ATP7B: variants seen among roughly 807,000 people sequenced by gnomAD.
ATP7B encodes copper-transporting ATPase 2.
In ATP7B, 113 loss-of-function variants were observed where a neutral mutation model predicts 118.9. The ratio of observed to expected loss-of-function variants is 0.95; its 90% CI spans 0.82 to 1.11. The LOEUF (loss-of-function observed/expected upper bound fraction) is 1.11, where lower values mean the gene tolerates loss of function less well. ATP7B is among the 50% of genes most tolerant of loss of function. The pLI is 0.00. For synonymous variants in ATP7B, 777 were observed against 727.4 expected, an observed-to-expected ratio of 1.07 and a Z score of -1.10; for missense variants, 1,867 against 1,871.4, an observed-to-expected ratio of 1.00 and a Z score of 0.04.
intron 4 of ATP7B, 61 bp from the exon 5 acceptor site, chr13:51,965,094 A>G (rs1292830392): frequency 6.2e-7 from 1 of 1,604,722 alleles, no homozygotes; most frequent in Non-Finnish European, 8.5e-7. Flanking sequence ...TGTGAAAGCC[A>G]GTCCAGGGAG....
chr13:51,974,171 G>A lies in ATP7B; in HGVS notation c.1049C>T (p.Pro350Leu), dbSNP rs201855906. Residue 350 changes from proline (P) to leucine (L), a missense_variant, in exon 2 of 21, where the codon CCG (proline) becomes CTG (leucine). Physicochemically the swap from Pro to Leu is moderately conservative, Grantham distance 98. Transcript: ENST00000242839. The stretch of plus-strand genomic sequence containing the variant: ...GCATGTGCCCTGGACCTGGTTTCTC[G>A]GTGGGGAGCCAGGGGAATGAGAACT... ...SSSSHSPGSPPRNQVQGTCST... is the reference protein window; with the variant it reads ...SSSSHSPGSPLRNQVQGTCST... The A allele has an allele frequency of 2.4e-5, 39 of 1,614,034 alleles. No individual in the cohort carries two copies. Among genetic ancestry groups the A allele is most frequent in the Middle Eastern group, 1.6e-4 (1 of 6,062 alleles).
chr13:51,968,004 C>T (rs1218845932), intron 4 of ATP7B, among the ~76,000 whole-genome samples: 1 of 152,188 alleles, frequency 6.6e-6, no homozygotes, highest in Non-Finnish European at 1.5e-5. Context: ...GCACCTATCA[C>T]AAGCCCTTTT....
chr13:51,971,439 T>TA (rs1050684773), intron 2 of ATP7B, among the ~76,000 whole-genome samples: 2 of 152,184 alleles, frequency 1.3e-5, no homozygotes, highest in African/African-American at 4.8e-5. Flanking sequence ...CCTGCCCAAT[T>TA]AAAAAAATCA....
chr13:52,001,223 G>A (rs1382416932), intron 1 of ATP7B, among the ~76,000 whole-genome samples: 3 of 152,074 alleles, frequency 2.0e-5, no homozygotes, highest in Admixed American at 6.5e-5. Flanking sequence ...TCTCCTAAGC[G>A]ACCTCCTGGC....
rs1950882487 is a variant in ATP7B at position 51,939,037 on chromosome 13, T to C, written c.3699+14A>G. ...TATGAGCTTTACACAGTTTGCAACA[T>C]TAAAGGGCTGTACCTGGGTGGCAAT... On this transcript the variant is annotated intron_variant, in intron 17 of 20. Transcript: ENST00000242839. The C allele has an allele frequency of 6.2e-7, 1 of 1,614,092 alleles. No individual in the cohort carries two copies. The highest frequency in any genetic ancestry group is 8.5e-7 in the Non-Finnish European group (1 of 1,180,036).
intron 1 of ATP7B, among the ~76,000 whole-genome samples, chr13:51,984,069 A>C (rs1952542317): frequency 6.6e-6 from 1 of 152,080 alleles, no homozygotes; most frequent in African/African-American, 2.4e-5. Context: ...TGCGTTTAAC[A>C]AATTGACAGA....
intron 4 of ATP7B, chr13:51,967,110 C>T (rs1951590677): frequency 4.4e-6 from 7 of 1,592,756 alleles, no homozygotes; most frequent in African/African-American, 2.7e-5. Context: ...GTGTCATGAA[C>T]AATGTCACCT....
chr13:51,939,627 A>C (rs138409429), intron 16 of ATP7B, among the ~76,000 whole-genome samples: 3 of 150,296 alleles, frequency 2.0e-5, no homozygotes, highest in Non-Finnish European at 4.4e-5. Context: ...TTCCTGCAGA[A>C]AACATTTCGG....
At chr13:51,995,687 C>T (rs1005505798) in intron 1 of ATP7B, among the ~76,000 whole-genome samples, 11 of 152,198 alleles carry the variant, frequency 7.2e-5, no homozygotes, top group African/African-American at 2.7e-4. Context: ...ACTCCTGACC[C>T]AGCCCAGGAG....
intron 1 of ATP7B, among the ~76,000 whole-genome samples, 194 bp downstream of exon 1, chr13:52,011,093 T>C (rs1244949775): frequency 2.0e-5 from 3 of 152,228 alleles, no homozygotes; most frequent in Non-Finnish European, 2.9e-5. Context: ...GGTTTTCCAT[T>C]GCTCCCAAAC....
chr13:51,975,214 T>C (rs758347078), intron 1 of ATP7B, 46 bp from the exon 2 acceptor site: 1 of 1,600,300 alleles, frequency 6.2e-7, no homozygotes, highest in Non-Finnish European at 8.6e-7. Context: ...AACCAAATAT[T>C]TTCTACAACA....
In ATP7B at chr13:51,968,571, T is replaced by G. The variant is rs779900839; in HGVS notation, c.1580A>C (p.Lys527Thr). Reference sequence around the variant, plus strand: ...CTCTGGGTCATACTTGATCTCTGCCTTTCCTGCCATCAAGGCAACCAACAC... The same window carrying G: ...CTCTGGGTCATACTTGATCTCTGCCGTTCCTGCCATCAAGGCAACCAACAC... The part of the protein sequence containing the change: ...LSVLVALMAG[K>T]AEIKYDPEVI... Residue 527 changes from lysine to threonine, a missense_variant, in exon 4 of 21, where the codon AAG becomes ACG. Lys to Thr is a moderately conservative substitution (Grantham distance 78, BLOSUM62 -1). Transcript: ENST00000242839. The G allele has an allele frequency of 1.2e-6, 2 of 1,614,152 alleles. No individual in the cohort carries two copies. Among genetic ancestry groups the G allele is most frequent in the South Asian group, 1.1e-5 (1 of 91,078 alleles).
intron 13 of ATP7B, 53 bp from the exon 14 acceptor site, chr13:51,944,344 A>G (rs1957524226): frequency 1.2e-6 from 2 of 1,606,994 alleles, no homozygotes; most frequent in Non-Finnish European, 8.5e-7. Flanking sequence ...AGGGGCTTCC[A>G]TAGTCACACT....
At chr13:51,995,474 G>A (rs551766114) in intron 1 of ATP7B, 1 of 401,246 alleles carries the variant, frequency 2.5e-6, no homozygotes, top group East Asian at 1.6e-4. Flanking sequence ...AGACAGCAGG[G>A]TCACATGTTG....
chr13:51,958,139 T>C, intron 8 of ATP7B, 172 bp downstream of exon 8: 1 of 724,742 alleles, frequency 1.4e-6, no homozygotes, highest in Non-Finnish European at 2.3e-6. Flanking sequence ...TCAGAAGTAG[T>C]GACCAATTTG....
At position 51,983,775 on chromosome 13, in the gene ATP7B, G is replaced by A. The variant is rs138659535; in HGVS notation, c.52-8607C>T. 3.4e-3 allele frequency among the ~76,000 whole-genome samples: 519 copies of A among 152,272 alleles called. 5 individuals carry two copies. The highest frequency in any genetic ancestry group is 3.4e-3 in the Non-Finnish European group (233 of 68,010). ...GGTGATACTCAGGCAAACAGGGTCT[G>A]GAGTGGACCTCCAGCAAACTCTAGC... On this transcript the variant is annotated intron_variant, in intron 1 of 20. Transcript: ENST00000242839.
At chr13:51,951,915 T>C (rs948247783) in intron 9 of ATP7B, among the ~76,000 whole-genome samples, 2 of 151,980 alleles carry the variant, frequency 1.3e-5, no homozygotes, top group Non-Finnish European at 2.9e-5. Flanking sequence ...ACAAGCAATG[T>C]TGGATTGGGG....
At chr13:52,011,592 G>C, upstream of ATP7B, 1 of 604,966 alleles carries the variant, frequency 1.7e-6, no homozygotes. Flanking sequence ...GCACGGGGAT[G>C]AGAGCGTGAG....
At chr13:51,947,530 G>A (rs1347336795) in intron 12 of ATP7B, among the ~76,000 whole-genome samples, 1 of 152,126 alleles carries the variant, frequency 6.6e-6, no homozygotes, top group Non-Finnish European at 1.5e-5. Flanking sequence ...AGTTGTCTAA[G>A]GTAAGGCTAT....
Sources: allele counts gnomAD v4.1 joint callset (sites outside exome capture counted in the v4.1 genomes callset), GRCh38; gene constraint gnomAD v4.1.1; transcripts MANE v1.5; gene names NCBI Gene and HGNC (gene_info 2026-07-23, HGNC 2026-07-21).